The following RIMKLB variants were observed in gnomAD, a reference collection of about 807,000 sequenced individuals.
RIMKLB encodes beta-citrylglutamate synthase B.
RIMKLB carries 7 observed loss-of-function variants against 32.0 expected under a neutral mutation model. The ratio of observed to expected loss-of-function variants is 0.22; its 90% CI spans 0.12 to 0.41. The LOEUF (loss-of-function observed/expected upper bound fraction) is 0.41. Ranked by LOEUF, RIMKLB falls within the 10% of genes least tolerant of loss-of-function variation. The pLI is 1.00. For synonymous variants in RIMKLB, 172 were observed against 185.1 expected, an observed-to-expected ratio of 0.93 and a Z score of 0.57; for missense variants, 289 against 498.7, an observed-to-expected ratio of 0.58 and a Z score of 4.00.
intron 2 of RIMKLB, among the ~76,000 whole-genome samples, chr12:8,728,934 G>A (rs748783963): frequency 6.6e-6 from 1 of 152,260 alleles, no homozygotes; most frequent in African/African-American, 2.4e-5. Flanking sequence ...GGGAACTGGA[G>A]TGCATGGGCT....
At chr12:8,749,839 G>A (rs776205261) in intron 2 of RIMKLB, 23 bp from the exon 3 acceptor site, 17 of 1,459,016 alleles carry the variant, frequency 1.2e-5, no homozygotes, top group Non-Finnish European at 1.5e-5. Flanking sequence ...TAATTGTGTT[G>A]GTCTTGTATT....
At chr12:8,733,730 G>T (rs1946750295) in intron 2 of RIMKLB, among the ~76,000 whole-genome samples, 1 of 152,034 alleles carries the variant, frequency 6.6e-6, no homozygotes, top group African/African-American at 2.4e-5. Context: ...ATAAAAAGAA[G>T]AAATTAGCCG....
In RIMKLB at chr12:8,730,539, A is replaced by G. The variant is rs80199142; in HGVS notation, c.175+16498A>G. ...GCTGGCTTGCAGCTTTTCCAACCTG[A>G]GAACCTAGTTAGGTGAAACAGACCA... On this transcript the variant is annotated intron_variant, in intron 2 of 5. Coordinates refer to ENST00000535829, the MANE Select transcript of RIMKLB (RefSeq NM_001297776.2). Among the ~76,000 whole-genome samples the G allele has an allele frequency of 9.1e-4, 138 of 152,326 alleles. 2 individuals are homozygous for G. The East Asian group carries it at 0.016, about 18-fold the overall frequency.
At chr12:8,713,475 A>G (rs1944547029) in intron 1 of RIMKLB, among the ~76,000 whole-genome samples, 1 of 151,916 alleles carries the variant, frequency 6.6e-6, no homozygotes, top group South Asian at 2.1e-4. Context: ...GAGATAAAAC[A>G]AAAAGTCAGT....
chr12:8,725,933 C>T (rs776694572), intron 2 of RIMKLB, among the ~76,000 whole-genome samples: 12 of 152,168 alleles, frequency 7.9e-5, no homozygotes, highest in African/African-American at 1.9e-4. Context: ...CTGCAACCTC[C>T]GCCTTCCAGG....
At chr12:8,762,150 T>C (rs1949578321) in intron 5 of RIMKLB, among the ~76,000 whole-genome samples, 1 of 152,200 alleles carries the variant, frequency 6.6e-6, no homozygotes, top group Admixed American at 6.5e-5. Flanking sequence ...GCATTCTCCA[T>C]AGAAGCTCTT....
At chr12:8,761,071 C>T (rs964668413) in intron 5 of RIMKLB, among the ~76,000 whole-genome samples, 9 of 151,652 alleles carry the variant, frequency 5.9e-5, no homozygotes, top group African/African-American at 1.2e-4. Flanking sequence ...TTTTTCTGGC[C>T]GGGTGCAGTG....
At chr12:8,671,927 A>G in the RIMKLB span, among the ~76,000 whole-genome samples, 1 of 152,088 alleles carries the variant, frequency 6.6e-6, no homozygotes, top group Non-Finnish European at 1.5e-5. Flanking sequence ...AAAACAAAAC[A>G]AAACAAAACA....
chr12:8,779,195 A>C (rs1248502361), downstream of RIMKLB: 7 of 152,222 alleles, frequency 4.6e-5, no homozygotes, highest in South Asian at 1.0e-3. Flanking sequence ...AGAGTTAAAC[A>C]ACCTCCAGTC....
rs779746622 is a variant in RIMKLB, at chr12:8,773,536, T to A, written c.913T>A (p.Ser305Thr). The A allele has an allele frequency of 6.2e-7, 1 of 1,614,220 alleles. No individual in the cohort carries two copies. Among genetic ancestry groups the A allele is most frequent in the East Asian group, 2.2e-5 (1 of 44,888 alleles). ...VAGIIADYAA[S>T]LLPSGRLTRR... ...TGGTATCATAGCAGACTATGCCGCCTCCCTTCTACCCTCTGGCCGGCTCAC... is the reference window on the plus strand; with the variant it reads ...TGGTATCATAGCAGACTATGCCGCCACCCTTCTACCCTCTGGCCGGCTCAC... The change falls in exon 6 of 6, where the codon TCC becomes ACC. Residue 305 changes from serine to threonine, a missense_variant. Coordinates refer to ENST00000535829, the MANE Select transcript of RIMKLB (RefSeq NM_001297776.2).
upstream of RIMKLB, among the ~76,000 whole-genome samples, chr12:8,680,002 C>T (rs907624705): frequency 6.6e-6 from 1 of 152,168 alleles, no homozygotes; most frequent in South Asian, 2.1e-4. Context: ...AGTAAAGAAG[C>T]CAGCCAAAAC....
intron 2 of RIMKLB, among the ~76,000 whole-genome samples, chr12:8,740,958 C>G (rs1239185853): frequency 1.3e-5 from 2 of 152,016 alleles, no homozygotes; most frequent in Non-Finnish European, 2.9e-5. Context: ...CCTGTAATCC[C>G]AGCATTTTGG....
intron 2 of RIMKLB, chr12:8,742,661 A>G: frequency 4.3e-6 from 1 of 232,860 alleles, no homozygotes; most frequent in South Asian, 5.7e-5. Context: ...TGTCAGTGAT[A>G]TATCCTCTAG....
intron 1 of RIMKLB, among the ~76,000 whole-genome samples, chr12:8,690,790 G>A (rs1206458557): frequency 6.6e-6 from 1 of 152,290 alleles, no homozygotes; most frequent in South Asian, 2.1e-4. Flanking sequence ...GGGTGTGGTG[G>A]TGCATGCCTG....
At chr12:8,744,701 C>T (rs1013296759) in intron 2 of RIMKLB, among the ~76,000 whole-genome samples, 3 of 151,654 alleles carry the variant, frequency 2.0e-5, no homozygotes, top group Non-Finnish European at 4.4e-5. Context: ...CGCTCTGTTG[C>T]TTAGGCTGGA....
At chr12:8,706,124 A>G (rs940770090) in intron 1 of RIMKLB, among the ~76,000 whole-genome samples, 2 of 152,112 alleles carry the variant, frequency 1.3e-5, no homozygotes. Context: ...TTCTGTGAAT[A>G]AAAATACATT....
At chr12:8,759,676 G>A (rs1006457982) in intron 5 of RIMKLB, among the ~76,000 whole-genome samples, 5 of 152,100 alleles carry the variant, frequency 3.3e-5, no homozygotes, top group East Asian at 1.9e-4. Flanking sequence ...CAATATGTCC[G>A]CCCCAGATCT....
At chr12:8,693,143 C>T (rs1013559208), upstream of RIMKLB, among the ~76,000 whole-genome samples, 3 of 152,170 alleles carry the variant, frequency 2.0e-5, no homozygotes, top group South Asian at 2.1e-4. Flanking sequence ...TAAAGGTTTT[C>T]GCTTGACCTG....
chr12:8,739,999 C>G (rs1048339476), intron 2 of RIMKLB, among the ~76,000 whole-genome samples: 30 of 152,268 alleles, frequency 2.0e-4, no homozygotes, highest in Middle Eastern at 3.4e-3. Context: ...ACCTCCGCCT[C>G]TTGGGTTCAA....
Sources: allele counts gnomAD v4.1 joint callset (sites outside exome capture counted in the v4.1 genomes callset), GRCh38; gene constraint gnomAD v4.1.1; transcripts MANE v1.5; gene names NCBI Gene and HGNC (gene_info 2026-07-23, HGNC 2026-07-21).